The following ZCWPW2 variants were observed in gnomAD, a reference collection of about 807,000 sequenced individuals.
The protein encoded by ZCWPW2 is zinc finger CW-type PWWP domain protein 2.
ZCWPW2 carries 45 observed loss-of-function variants against 46.6 expected under a neutral mutation model. The observed-to-expected ratio is 0.96, with a 90% confidence interval of 0.76 to 1.24. The LOEUF is 1.24. Among genes scored for constraint, ZCWPW2 ranks in the 50% most tolerant of loss-of-function variants. ZCWPW2 has a pLI of 0.00. For synonymous variants in ZCWPW2, 152 were observed against 137.1 expected (o/e 1.11, Z -0.76); for missense variants, 429 against 403.9 (o/e 1.06, Z -0.53).
chr3:28,428,149 T>C (rs1436083788), intron 3 of ZCWPW2: 1 of 152,368 alleles, frequency 6.6e-6, no homozygotes, highest in Non-Finnish European at 1.5e-5. Context: ...GACAGCCTAA[T>C]AACAGTCGCC....
At chr3:28,442,772 C>A (rs939101259) in intron 4 of ZCWPW2, among the ~76,000 whole-genome samples, 2 of 152,224 alleles carry the variant, frequency 1.3e-5, no homozygotes, top group Non-Finnish European at 2.9e-5. Flanking sequence ...TCTCCAAGAT[C>A]TATCTGTCTT....
chr3:28,394,407 TAGAC>T (rs1180914758), intron 2 of ZCWPW2, among the ~76,000 whole-genome samples: 5 of 152,076 alleles, frequency 3.3e-5, no homozygotes, highest in African/African-American at 7.2e-5. Flanking sequence ...TTCACAGAAA[TAGAC>T]AGTAAAATCC....
At chr3:28,369,474 A>G (rs993357250) in intron 1 of ZCWPW2, among the ~76,000 whole-genome samples, 24 of 152,250 alleles carry the variant, frequency 1.6e-4, no homozygotes, top group African/African-American at 5.8e-4. Flanking sequence ...AACAGCAGAT[A>G]TTGGTGAACA....
chr3:28,351,378 G>A (rs1238643155), intron 1 of ZCWPW2, among the ~76,000 whole-genome samples: 1 of 151,270 alleles, frequency 6.6e-6, no homozygotes, highest in Non-Finnish European at 1.5e-5. Flanking sequence ...GATACTGGCC[G>A]AGACTGGGTT....
chr3:28,502,457 A>ATCTG (rs2125825458), intron 6 of ZCWPW2, among the ~76,000 whole-genome samples: 2 of 152,218 alleles, frequency 1.3e-5, no homozygotes, highest in African/African-American at 4.8e-5. Context: ...TGCTTCATGG[A>ATCTG]TCTGTCTTCA....
At chr3:28,443,351 C>T (rs1559506757) in intron 4 of ZCWPW2, among the ~76,000 whole-genome samples, 2 of 152,148 alleles carry the variant, frequency 1.3e-5, no homozygotes, top group Non-Finnish European at 2.9e-5. Context: ...GGTCCTTCCT[C>T]AAGGTGACCC....
chr3:28,432,447 A>C (rs1322693637), intron 3 of ZCWPW2, among the ~76,000 whole-genome samples: 2 of 152,130 alleles, frequency 1.3e-5, no homozygotes, highest in Non-Finnish European at 2.9e-5. Flanking sequence ...TATATTAGGT[A>C]TGCATATTTT....
chr3:28,490,886 T>A (rs1335301895), intron 5 of ZCWPW2, among the ~76,000 whole-genome samples: 1 of 152,154 alleles, frequency 6.6e-6, no homozygotes, highest in Non-Finnish European at 1.5e-5. Context: ...CAGTTTATTT[T>A]AATTAATAAA....
intron 2 of ZCWPW2, among the ~76,000 whole-genome samples, chr3:28,396,561 A>G (rs1379300703): frequency 2.0e-5 from 3 of 152,220 alleles, no homozygotes; most frequent in Non-Finnish European, 2.9e-5. Flanking sequence ...AATTAAAATT[A>G]TAATATCAAA....
intron 3 of ZCWPW2, among the ~76,000 whole-genome samples, chr3:28,434,363 C>CA (rs990568904): frequency 1.1e-4 from 16 of 149,958 alleles, no homozygotes; most frequent in South Asian, 4.2e-4. Context: ...CCAAATACAA[C>CA]AAAAAAAAGT....
chr3:28,392,361 T>C (rs544908378), intron 2 of ZCWPW2, among the ~76,000 whole-genome samples: 143 of 152,204 alleles, frequency 9.4e-4, no homozygotes, highest in Non-Finnish European at 1.4e-3. Context: ...AGGAATACAA[T>C]AGTAGTAGGG....
intron 6 of ZCWPW2, among the ~76,000 whole-genome samples, chr3:28,492,416 G>A (rs1417832438): frequency 6.6e-6 from 1 of 152,004 alleles, no homozygotes; most frequent in Non-Finnish European, 1.5e-5. Context: ...AAGTAAACAA[G>A]TAAATGAGTG....
intron 7 of ZCWPW2, among the ~76,000 whole-genome samples, chr3:28,514,390 C>T (rs984019865): frequency 6.6e-6 from 1 of 152,036 alleles, no homozygotes; most frequent in African/African-American, 2.4e-5. Flanking sequence ...GTTGTACACA[C>T]ATATATAACC....
chr3:28,436,395 C>T (rs2125765192), intron 4 of ZCWPW2, among the ~76,000 whole-genome samples: 1 of 146,758 alleles, frequency 6.8e-6, no homozygotes, highest in East Asian at 2.0e-4. Flanking sequence ...CCTCAGCCTC[C>T]CAAGTAGTTA....
chr3:28,525,529 G>A lies in ZCWPW2; in HGVS notation c.*841G>A, dbSNP rs1028149623. On this transcript the variant is annotated 3_prime_UTR_variant, in exon 10 of 10. Coordinates refer to ENST00000383768, the MANE Select transcript of ZCWPW2 (RefSeq NM_001040432.4). Reference sequence around the variant, plus strand: ...ATCTCTTTCTGGTGGTACGGGGTGGGGAAAAGGGCATTCCAAGCACATAAA... The same window carrying A: ...ATCTCTTTCTGGTGGTACGGGGTGGAGAAAAGGGCATTCCAAGCACATAAA... Among the ~76,000 whole-genome samples the A allele has an allele frequency of 1.3e-5, 2 of 151,862 alleles. No individual in the cohort carries two copies. Among genetic ancestry groups the A allele is most frequent in the African/African-American group, 4.8e-5 (2 of 41,324 alleles).
chr3:28,461,604 G>T (rs1260744857), intron 4 of ZCWPW2: 1 of 151,924 alleles, frequency 6.6e-6, no homozygotes, highest in Non-Finnish European at 1.5e-5. Context: ...TCCTGACTGG[G>T]TTGTTTTTCA....
At chr3:28,382,893 G>A (rs1360889288) in intron 1 of ZCWPW2, among the ~76,000 whole-genome samples, 3 of 152,116 alleles carry the variant, frequency 2.0e-5, no homozygotes, top group African/African-American at 4.8e-5. Context: ...CATTTTCAAC[G>A]ATGACGGGCT....
chr3:28,462,734 A>C (rs934018723), intron 4 of ZCWPW2, among the ~76,000 whole-genome samples: 1 of 152,214 alleles, frequency 6.6e-6, no homozygotes, highest in African/African-American at 2.4e-5. Context: ...AGAAGACATG[A>C]ATTTCTGCCA....
intron 1 of ZCWPW2, among the ~76,000 whole-genome samples, chr3:28,351,916 G>T (rs1458536901): frequency 6.6e-6 from 1 of 152,028 alleles, no homozygotes; most frequent in Non-Finnish European, 1.5e-5. Flanking sequence ...TTCTTCCTCT[G>T]TTTTCCTGAC....
Sources: gnomAD v4.1 joint callset for allele counts (sites outside exome capture counted in the v4.1 genomes callset) on GRCh38, gnomAD v4.1.1 for gene constraint, MANE v1.5 for transcripts, NCBI Gene and HGNC (gene_info 2026-07-23, HGNC 2026-07-21) for gene names.